The following LNX2 variants were observed in gnomAD, a reference collection of about 807,000 sequenced individuals.
The protein encoded by LNX2 is ligand of numb-protein X 2, also known as ligand of Numb protein X 2.
Under a neutral mutation model 66.2 loss-of-function variants are expected in LNX2, and 35 were observed. That is an observed-to-expected ratio of 0.53 (90% CI 0.40 to 0.70). The LOEUF (loss-of-function observed/expected upper bound fraction) is 0.70. Ranked by LOEUF, LNX2 falls within the 30% of genes least tolerant of loss-of-function variation. The pLI, the probability that LNX2 is intolerant of heterozygous loss-of-function variation, is 0.00. For synonymous variants in LNX2, 337 were observed against 315.6 expected (o/e 1.07, Z -0.72); for missense variants, 791 against 850.8 (o/e 0.93, Z 0.87).
At chr13:27,612,446 T>C (rs1209817055) in intron 1 of LNX2, among the ~76,000 whole-genome samples, 7 of 152,232 alleles carry the variant, frequency 4.6e-5, no homozygotes, top group Non-Finnish European at 1.0e-4. Flanking sequence ...AAGTCTTCAG[T>C]GATACCCCAC....
intron 1 of LNX2, among the ~76,000 whole-genome samples, chr13:27,607,323 G>A (rs768345236): frequency 5.9e-5 from 9 of 152,130 alleles, no homozygotes; most frequent in Non-Finnish European, 1.0e-4. Flanking sequence ...GCACCACAAC[G>A]TCAACTGATG....
chr13:27,579,712 T>C (rs566608323), intron 2 of LNX2, among the ~76,000 whole-genome samples: 2 of 152,330 alleles, frequency 1.3e-5, no homozygotes, highest in African/African-American at 4.8e-5. Flanking sequence ...TCAGTTCCTC[T>C]AACATCTCAT....
At chr13:27,586,354 T>G (rs900313701) in intron 1 of LNX2, among the ~76,000 whole-genome samples, 2 of 152,176 alleles carry the variant, frequency 1.3e-5, no homozygotes, top group African/African-American at 4.8e-5. Context: ...AGTATGAGTT[T>G]TGGAAGGAGA....
chr13:27,601,231 A>G (rs566396719), intron 1 of LNX2, among the ~76,000 whole-genome samples: 19 of 152,344 alleles, frequency 1.2e-4, no homozygotes, highest in African/African-American at 4.6e-4. Flanking sequence ...CTAGGCTATC[A>G]GTGATTGGAA....
At chr13:27,620,997 G>C (rs1012363345), upstream of LNX2, 1 of 153,170 alleles carries the variant, frequency 6.5e-6, no homozygotes, top group Admixed American at 6.5e-5. Context: ...GTCGGGGCCA[G>C]CGGCGAGGGG....
Position 27,550,390 on chromosome 13 carries a change from G to C in LNX2, c.1880C>G (p.Pro627Arg), listed in dbSNP as rs746947663. Residue 627 changes from proline to arginine, a missense_variant, in exon 9 of 10, where the codon CCT (proline) becomes CGT (arginine). Physicochemically the swap from Pro to Arg is moderately radical, Grantham distance 103 (BLOSUM62 -2). Transcript: ENST00000316334. The stretch of plus-strand genomic sequence containing the variant: ...CAAGACAATAGTTTTAATGAAAAAA[G>C]GCTGATTGGTGTGGTTCTCTTCATA... Reference protein sequence around the residue: ...GGYEENHTNQPFFIKTIVLGT... With the variant: ...GGYEENHTNQRFFIKTIVLGT... The C allele has an allele frequency of 1.2e-6, 2 of 1,613,786 alleles. No homozygotes were observed. The highest frequency in any genetic ancestry group is 2.2e-5 in the South Asian group (2 of 91,060).
intron 7 of LNX2, 103 bp downstream of exon 7, chr13:27,556,129 TAAAA>T: frequency 8.8e-7 from 1 of 1,132,640 alleles, no homozygotes; most frequent in Non-Finnish European, 1.2e-6. Context: ...TTAAAGAACT[TAAAA>T]AAGTCATGTT....
intron 8 of LNX2, among the ~76,000 whole-genome samples, chr13:27,552,446 T>A (rs1955017558): frequency 6.6e-6 from 1 of 152,254 alleles, no homozygotes; most frequent in South Asian, 2.1e-4. Context: ...TGTTTTATTT[T>A]AAAGAATCAA....
chr13:27,553,651 G>C (rs1356942996), intron 7 of LNX2, among the ~76,000 whole-genome samples: 1 of 152,074 alleles, frequency 6.6e-6, no homozygotes, highest in Non-Finnish European at 1.5e-5. Flanking sequence ...TTAAAATAAT[G>C]TCATAATACA....
chr13:27,580,047 CTT>C (rs772493455), intron 2 of LNX2, among the ~76,000 whole-genome samples: 4 of 152,196 alleles, frequency 2.6e-5, no homozygotes, highest in African/African-American at 4.8e-5. Context: ...TTAATAACAT[CTT>C]TGTTTTTTTC....
chr13:27,572,883 A>C (rs1955300097), intron 2 of LNX2, among the ~76,000 whole-genome samples: 1 of 152,352 alleles, frequency 6.6e-6, no homozygotes, highest in Admixed American at 6.5e-5. Context: ...TGAACACCTT[A>C]GAATCAAGAA....
At position 27,556,410 on chromosome 13, in the gene LNX2, G is replaced by T. The variant is rs752611119; in HGVS notation, c.1372C>A (p.Leu458Ile). ...TCTTGGCATGTAACACACTGAGTAA[G>T]ATCCTAAAACATACAAGAAAAAAAT... ...YYSRPSSHKD[L>I]TQCVTCQEKH... The change falls in exon 7 of 10, where the codon CTT becomes ATT. Residue 458 changes from leucine (L) to isoleucine (I), a missense_variant. Transcript: ENST00000316334. 1 of 1,613,038 alleles carries T rather than the reference G, an allele frequency of 6.2e-7. No individual in the cohort carries two copies. Among genetic ancestry groups the T allele is most frequent in the East Asian group, 2.2e-5 (1 of 44,806 alleles).
At chr13:27,576,727 G>GAA (rs147533969) in intron 2 of LNX2, among the ~76,000 whole-genome samples, 4 of 128,808 alleles carry the variant, frequency 3.1e-5, no homozygotes, top group Non-Finnish European at 3.3e-5. Flanking sequence ...GCTATCTCCA[G>GAA]AAAAAAAAAA....
At chr13:27,582,298 A>T (rs1955407495) in intron 1 of LNX2, among the ~76,000 whole-genome samples, 1 of 152,130 alleles carries the variant, frequency 6.6e-6, no homozygotes. Flanking sequence ...AAGTGCTAGG[A>T]TTACAGGTGT....
intron 1 of LNX2, among the ~76,000 whole-genome samples, chr13:27,604,041 T>G (rs1955687439): frequency 6.6e-6 from 1 of 150,794 alleles, no homozygotes. Flanking sequence ...GATTACAAGG[T>G]CAGGAGATCA....
At chr13:27,590,234 T>A (rs942051950) in intron 1 of LNX2, among the ~76,000 whole-genome samples, 1 of 151,914 alleles carries the variant, frequency 6.6e-6, no homozygotes, top group Non-Finnish European at 1.5e-5. Context: ...TATTTTTATT[T>A]TTATTATTTA....
Position 27,556,219 on chromosome 13 carries a change from T to A in LNX2, c.1546+17A>T. ...CAGAAATAAGATGTGGTAAAATTTTTCAAGATCCCATCTTACCTCTCTTTA... is the reference window on the plus strand; with the variant it reads ...CAGAAATAAGATGTGGTAAAATTTTACAAGATCCCATCTTACCTCTCTTTA... On this transcript the variant is annotated intron_variant, in intron 7 of 9. Coordinates refer to ENST00000316334, the MANE Select transcript of LNX2 (RefSeq NM_153371.4). The A allele has an allele frequency of 6.3e-7, 1 of 1,599,098 alleles. No homozygotes were observed. The highest frequency in any genetic ancestry group is 8.5e-7 in the Non-Finnish European group (1 of 1,172,638).
chr13:27,572,062 C>T (rs567441727), intron 2 of LNX2, among the ~76,000 whole-genome samples: 1 of 152,292 alleles, frequency 6.6e-6, no homozygotes, highest in African/African-American at 2.4e-5. Flanking sequence ...CTGTTCTTTC[C>T]AGTGTATCAT....
intron 1 of LNX2, among the ~76,000 whole-genome samples, chr13:27,582,357 C>T (rs542133285): frequency 1.3e-5 from 2 of 152,004 alleles, no homozygotes; most frequent in South Asian, 2.1e-4. Flanking sequence ...AAAAAAACAA[C>T]TTTTGATGAA....
Sources: allele counts gnomAD v4.1 joint callset (sites outside exome capture counted in the v4.1 genomes callset), GRCh38; gene constraint gnomAD v4.1.1; transcripts MANE v1.5; gene names NCBI Gene and HGNC (gene_info 2026-07-23, HGNC 2026-07-21).